The following MS4A2 variants were observed in gnomAD, a reference collection of about 807,000 sequenced individuals.
The protein encoded by MS4A2 is membrane spanning 4-domains A2.
MS4A2 carries 26 observed loss-of-function variants against 27.9 expected under a neutral mutation model. The ratio of observed to expected loss-of-function variants is 0.93; its 90% CI spans 0.68 to 1.29. The LOEUF (loss-of-function observed/expected upper bound fraction) is 1.29. Among genes scored for constraint, MS4A2 ranks in the 50% most tolerant of loss-of-function variants. The probability of loss-of-function intolerance (pLI) is 0.00; values close to 1 mark genes in which losing one functional copy is unlikely to be tolerated. For synonymous variants in MS4A2, 110 were observed against 98.8 expected (o/e 1.11, Z -0.67); for missense variants, 284 against 284.6 (o/e 1.00, Z 0.01).
In MS4A2 at chr11:60,097,268, C is replaced by A. The variant is rs187589657; in HGVS notation, c.*1612C>A. On this transcript the variant is annotated 3_prime_UTR_variant, in exon 7 of 7. Coordinates refer to ENST00000278888, the MANE Select transcript of MS4A2 (RefSeq NM_000139.5). ...TTGTGAAACTGTAGAGAGCAGGTAG[C>A]CCAAAATAGAGAAAGATTAGATAAA... The A allele has an allele frequency of 6.6e-6, 1 of 152,134 alleles. No homozygotes were observed. Among genetic ancestry groups the A allele is most frequent in the African/African-American group, 2.4e-5 (1 of 41,510 alleles). 9.4% of individuals were successfully genotyped at this position (152,134 alleles called of 1,614,324 possible).
At position 60,098,239 on chromosome 11, in the gene MS4A2, C is replaced by T. The variant is rs1315564256; in HGVS notation, c.*2583C>T. On this transcript the variant is annotated 3_prime_UTR_variant, in exon 7 of 7. Coordinates refer to ENST00000278888, the MANE Select transcript of MS4A2 (RefSeq NM_000139.5). ...ACACAGAGCACAATGCTGGGGTTCT[C>T]TTCACACTATCACTGCCCCAAATTG... 6.6e-6 allele frequency: 1 copy of T among 152,204 alleles called. No individual in the cohort carries two copies. Among genetic ancestry groups the T allele is most frequent in the East Asian group, 1.9e-4 (1 of 5,194 alleles). The allele number at this position is 152,204 out of a possible 1,614,324, so 9.4% of individuals were successfully genotyped here. A position where few individuals can be genotyped will look rare whatever the true frequency, so the allele number is the denominator to read the frequency against.
rs1425903763 is a variant in MS4A2, at chr11:60,097,569, A to G, written c.*1913A>G. On this transcript the variant is annotated 3_prime_UTR_variant, in exon 7 of 7. Transcript: ENST00000278888. ...AGGTAGTGAAGAAAAGCAAGCTAAG[A>G]AAAAATTCTGTTTATAAAAGAAGGA... The G allele has an allele frequency of 6.6e-6, 1 of 152,258 alleles. No individual in the cohort carries two copies. The highest frequency in any genetic ancestry group is 6.5e-5 in the Admixed American group (1 of 15,292). 9.4% of individuals were successfully genotyped at this position (152,258 alleles called of 1,614,324 possible).
Position 60,089,810 on chromosome 11 carries a change from G to A in MS4A2, c.175G>A (p.Glu59Lys). 6.2e-7 allele frequency: 1 copy of A among 1,614,100 alleles called. No individual in the cohort carries two copies. Among genetic ancestry groups the A allele is most frequent in the South Asian group, 1.1e-5 (1 of 91,074 alleles). Residue 59 changes from glutamate (E) to lysine (K), a missense_variant, in exon 2 of 7, where the codon GAG (glutamate) becomes AAG (lysine). Coordinates refer to ENST00000278888, the MANE Select transcript of MS4A2 (RefSeq NM_000139.5). ...GCTGACAGTTTTGAAAAAAGAGCAG[G>A]AGTTCCTGGGGGTGAGTGAGCCTCC... The part of the protein sequence containing the change: ...TWLTVLKKEQ[E>K]FLGVTQILTA...
rs1565075771 is a variant in MS4A2 at position 60,094,109 on chromosome 11, T to A, written c.636+47T>A. ...AATCTTGAATGACAGGTTAACGAAT[T>A]GGAGCTTTATTCCTTAAAAATATGG... On this transcript the variant is annotated intron_variant, in intron 6 of 6. Transcript: ENST00000278888. 3 of 1,264,220 alleles carry A rather than the reference T, an allele frequency of 2.4e-6. No individual in the cohort carries two copies. The East Asian group carries it at 7.0e-5, about 30-fold the overall frequency. The allele number at this position is 1,264,220 out of a possible 1,614,324, so 78.3% of individuals were successfully genotyped here.
chr11:60,088,679 C>T lies in MS4A2; in HGVS notation c.-87C>T. 6.4e-7 allele frequency: 1 copy of T among 1,556,020 alleles called. No individual in the cohort carries two copies. The highest frequency in any genetic ancestry group is 8.7e-7 in the Non-Finnish European group (1 of 1,148,542). ...GTCATGAGGTAACCCATTTCAACTG[C>T]CTATTCAGAGCATGCAGTAAGAGGA... On this transcript the variant is annotated 5_prime_UTR_variant, in exon 1 of 7. Coordinates refer to ENST00000278888, the MANE Select transcript of MS4A2 (RefSeq NM_000139.5).
At chr11:60,092,727 G>A (rs746848101) in intron 3 of MS4A2, 65 bp from the exon 4 acceptor site, 3 of 1,431,406 alleles carry the variant, frequency 2.1e-6, no homozygotes, top group Non-Finnish European at 2.9e-6. Flanking sequence ...TGGAAGATGG[G>A]GTTAAAAAGG....
Position 60,090,435 on chromosome 11 carries a change from T to C in MS4A2, c.286T>C (p.Phe96Leu). The change falls in exon 3 of 7, where the codon TTT becomes CTT. Residue 96 changes from phenylalanine (F) to leucine (L), a missense_variant. Coordinates refer to ENST00000278888, the MANE Select transcript of MS4A2 (RefSeq NM_000139.5). ...SHIEGDIFSSFKAGYPFWGAI... is the reference protein window; with the variant it reads ...SHIEGDIFSSLKAGYPFWGAI... ...CATTGAGGGAGACATTTTTTCATCA[T>C]TTAAAGCAGGTTATCCATTCTGGGG... 6.2e-7 allele frequency: 1 copy of C among 1,613,458 alleles called. No homozygotes were observed. The highest frequency in any genetic ancestry group is 1.1e-5 in the South Asian group (1 of 91,084).
intron 3 of MS4A2, among the ~76,000 whole-genome samples, chr11:60,092,047 C>T (rs905991754): frequency 6.6e-6 from 1 of 152,144 alleles, no homozygotes; most frequent in South Asian, 2.1e-4. Flanking sequence ...GCCACAGACA[C>T]GTGTTTCTTG....
chr11:60,091,780 T>C (rs1855763827), intron 3 of MS4A2, among the ~76,000 whole-genome samples: 1 of 152,222 alleles, frequency 6.6e-6, no homozygotes, highest in South Asian at 2.1e-4. Flanking sequence ...AGATGACTTG[T>C]TCAGGACTCT....
In MS4A2 at chr11:60,093,495, T is replaced by C. The variant is rs1306091735; in HGVS notation, c.474T>C (p.Tyr158=). ...LIINLKKSLA[Y]IHIHSCQKFF... ...TCAACCTGAAGAAGAGCTTGGCCTA[T>C]ATCCACATCCACAGTTGCCAGAAAT... Residue 158 remains tyrosine (Y), a synonymous_variant, in exon 5 of 7, where the codon TAT becomes TAC. Coordinates refer to ENST00000278888, the MANE Select transcript of MS4A2 (RefSeq NM_000139.5). 1.4e-5 allele frequency: 22 copies of C among 1,614,198 alleles called. No individual in the cohort carries two copies. Among genetic ancestry groups the C allele is most frequent in the Non-Finnish European group, 1.8e-5 (21 of 1,180,034 alleles).
chr11:60,092,964 T>G, intron 4 of MS4A2, 116 bp downstream of exon 4: 2 of 1,040,120 alleles, frequency 1.9e-6, no homozygotes, highest in Non-Finnish European at 2.9e-6. Context: ...TGTGGATATA[T>G]GATTTTGTTT....
At chr11:60,094,693 A>G (rs1855834951) in intron 6 of MS4A2, among the ~76,000 whole-genome samples, 1 of 152,214 alleles carries the variant, frequency 6.6e-6, no homozygotes, top group Non-Finnish European at 1.5e-5. Flanking sequence ...TCACGCCTGT[A>G]ATCTCAGCAC....
At chr11:60,090,730 C>T (rs1017729955) in intron 3 of MS4A2, among the ~76,000 whole-genome samples, 1 of 152,166 alleles carries the variant, frequency 6.6e-6, no homozygotes, top group Non-Finnish European at 1.5e-5. Context: ...AAATGACTTG[C>T]CTAAGGGCCA....
chr11:60,093,565 A>G lies in MS4A2; in HGVS notation c.537+7A>G. On this transcript the variant is annotated splice_region_variant and intron_variant, in intron 5 of 6. Transcript: ENST00000278888. ...TATGGCTTCCTTTTCCACTGTATGT[A>G]TTTTTTTTTGTGTGGGAAGACTAAG... 6.2e-7 allele frequency: 1 copy of G among 1,602,834 alleles called. No individual in the cohort carries two copies. Among genetic ancestry groups the G allele is most frequent in the Non-Finnish European group, 8.5e-7 (1 of 1,171,664 alleles).
At chr11:60,090,614 A>AT in intron 3 of MS4A2, 144 bp downstream of exon 3, 1 of 733,630 alleles carries the variant, frequency 1.4e-6, no homozygotes, top group South Asian at 2.2e-5. Flanking sequence ...TATATAACAT[A>AT]GATATGCTCA....
chr11:60,088,997 T>C lies in MS4A2; in HGVS notation c.56+176T>C, dbSNP rs528167000. Reference sequence around the variant, plus strand: ...TACTTTCCATGTGGTTCTCTCTCCCTGGAGAGGAACATTTTTACTCAGCTT... The same window carrying C: ...TACTTTCCATGTGGTTCTCTCTCCCCGGAGAGGAACATTTTTACTCAGCTT... On this transcript the variant is annotated intron_variant, in intron 1 of 6. Transcript: ENST00000278888. Among the ~76,000 whole-genome samples the C allele has an allele frequency of 2.5e-3, 385 of 152,334 alleles. 2 individuals are homozygous for C. Among genetic ancestry groups the C allele is most frequent in the African/African-American group, 8.7e-3 (362 of 41,584 alleles).
chr11:60,089,614 C>G (rs1310315343), intron 1 of MS4A2, 78 bp from the exon 2 acceptor site: 28 of 1,583,562 alleles, frequency 1.8e-5, no homozygotes, highest in Non-Finnish European at 2.4e-5. Flanking sequence ...AAACAAAACT[C>G]CCCTTTCTGT....
At chr11:60,093,369 C>A in intron 4 of MS4A2, 31 bp from the exon 5 acceptor site, 1 of 1,614,018 alleles carries the variant, frequency 6.2e-7, no homozygotes, top group Non-Finnish European at 8.5e-7. Flanking sequence ...CAAGTGCAGG[C>A]CCAGGTCTGA....
intron 3 of MS4A2, 132 bp downstream of exon 3, chr11:60,090,602 C>T (rs1855742703): frequency 1.3e-6 from 1 of 796,956 alleles, no homozygotes; most frequent in Admixed American, 2.9e-5. Flanking sequence ...TATATGTGAG[C>T]ATATATAACA....
Sources: gnomAD v4.1 joint callset for allele counts (sites outside exome capture counted in the v4.1 genomes callset) on GRCh38, gnomAD v4.1.1 for gene constraint, MANE v1.5 for transcripts, NCBI Gene and HGNC (gene_info 2026-07-23, HGNC 2026-07-21) for gene names.